Variants in XPO6 observed in about 807,000 individuals in gnomAD.
XPO6 encodes exportin 6, also known as exportin-6.
Under a neutral mutation model 130.0 loss-of-function variants are expected in XPO6, and 3 were observed. That is an observed-to-expected ratio of 0.02 (90% CI 0.01 to 0.06). The LOEUF is 0.06. Among genes scored for constraint, XPO6 ranks in the 10% least tolerant of loss-of-function variants. XPO6 has a pLI of 1.00. For synonymous variants in XPO6, 524 were observed against 548.9 expected (o/e 0.95, Z 0.63); for missense variants, 970 against 1,393.0 (o/e 0.70, Z 4.83).
At chr16:28,146,687 A>G (rs1030776489) in intron 8 of XPO6, among the ~76,000 whole-genome samples, 2 of 152,214 alleles carry the variant, frequency 1.3e-5, no homozygotes, top group African/African-American at 4.8e-5. Flanking sequence ...ACACATTTGA[A>G]TGTAAGGAAA....
intron 1 of XPO6, among the ~76,000 whole-genome samples, chr16:28,201,214 G>C (rs1596974183): frequency 6.6e-6 from 1 of 152,074 alleles, no homozygotes; most frequent in Non-Finnish European, 1.5e-5. Context: ...TGAGCTTGCT[G>C]GTTGCATGGA....
chr16:28,109,610 C>T (rs142508674), intron 17 of XPO6, among the ~76,000 whole-genome samples: 1 of 152,250 alleles, frequency 6.6e-6, no homozygotes, highest in Non-Finnish European at 1.5e-5. Flanking sequence ...GACTAGGAGA[C>T]ATATGACAAG....
At chr16:28,168,217 G>A (rs1163249245) in intron 5 of XPO6, among the ~76,000 whole-genome samples, 1 of 152,158 alleles carries the variant, frequency 6.6e-6, no homozygotes, top group Non-Finnish European at 1.5e-5. Context: ...AGGCACAGTG[G>A]CTCATGCCTG....
At chr16:28,114,893 A>T (rs2087016739) in intron 15 of XPO6, among the ~76,000 whole-genome samples, 1 of 152,178 alleles carries the variant, frequency 6.6e-6, no homozygotes, top group Non-Finnish European at 1.5e-5. Flanking sequence ...TTATTTCAAC[A>T]ATGTTCACAG....
intron 8 of XPO6, 76 bp from the exon 9 acceptor site, chr16:28,146,279 T>TTC: frequency 9.2e-7 from 1 of 1,088,732 alleles, no homozygotes; most frequent in Non-Finnish European, 1.4e-6. Context: ...ATGCCAGTGT[T>TTC]TAATTCCAGC....
intron 8 of XPO6, among the ~76,000 whole-genome samples, chr16:28,146,927 G>A (rs2042993387): frequency 6.6e-6 from 1 of 152,092 alleles, no homozygotes; most frequent in South Asian, 2.1e-4. Flanking sequence ...TCTATTTCAT[G>A]CAAAGTCCAG....
intron 9 of XPO6, among the ~76,000 whole-genome samples, chr16:28,137,724 A>G (rs1435246067): frequency 6.6e-6 from 1 of 152,000 alleles, no homozygotes; most frequent in Non-Finnish European, 1.5e-5. Flanking sequence ...CATAATTTCA[A>G]CTTTTATGTT....
At chr16:28,144,772 C>G (rs188019469) in intron 9 of XPO6, among the ~76,000 whole-genome samples, 3 of 152,152 alleles carry the variant, frequency 2.0e-5, no homozygotes, top group Non-Finnish European at 2.9e-5. Context: ...TATGTTAGTT[C>G]GTTATTTCAA....
rs143819230 is a variant in XPO6 at position 28,128,433 on chromosome 16, C to G, written c.1607-2585G>C. ...CTTCATTTCGCACCTCCACCTCCCC[C>G]CAGGCTCTACCCTGACCACCAGTTT... is the stretch of plus-strand genomic sequence containing the variant. On this transcript the variant is annotated intron_variant, in intron 12 of 23. Transcript: ENST00000304658. Among the ~76,000 whole-genome samples, 230 of 152,306 alleles carry G rather than the reference C, an allele frequency of 1.5e-3. 1 individual carries two copies. The highest frequency in any genetic ancestry group is 4.6e-3 in the Admixed American group (71 of 15,302).
intron 4 of XPO6, among the ~76,000 whole-genome samples, chr16:28,172,396 G>A (rs955428988): frequency 1.1e-4 from 16 of 152,044 alleles, no homozygotes; most frequent in Admixed American, 3.3e-4. Context: ...TTTATTACAC[G>A]ACCCAACAGA....
At chr16:28,150,239 C>T (rs779106340) in intron 8 of XPO6, among the ~76,000 whole-genome samples, 3 of 152,168 alleles carry the variant, frequency 2.0e-5, no homozygotes, top group Non-Finnish European at 4.4e-5. Context: ...ATACAGGAGA[C>T]AGGAGAGCAG....
chr16:28,191,798 C>A (rs181995654), intron 1 of XPO6, among the ~76,000 whole-genome samples: 2 of 152,160 alleles, frequency 1.3e-5, no homozygotes, highest in Admixed American at 6.6e-5. Context: ...ATGAAACTGA[C>A]GAACCACTAT....
chr16:28,139,210 C>G (rs1204545800), intron 9 of XPO6, among the ~76,000 whole-genome samples: 1 of 152,210 alleles, frequency 6.6e-6, no homozygotes, highest in African/African-American at 2.4e-5. Flanking sequence ...CACAAGGGTT[C>G]TCTCCCTCCC....
chr16:28,143,719 C>T (rs1468227761), intron 9 of XPO6, among the ~76,000 whole-genome samples: 1 of 152,130 alleles, frequency 6.6e-6, no homozygotes, highest in African/African-American at 2.4e-5. Context: ...TCACTGCAAC[C>T]TCTGCCACCC....
At chr16:28,153,633 A>G (rs2043133730) in intron 7 of XPO6, 1 of 985,314 alleles carries the variant, frequency 1.0e-6, no homozygotes, top group African/African-American at 1.7e-5. Flanking sequence ...CACATTTCAG[A>G]AACTGTCATT....
At chr16:28,103,159 C>G (rs559884654) in intron 21 of XPO6, among the ~76,000 whole-genome samples, 4 of 152,288 alleles carry the variant, frequency 2.6e-5, no homozygotes, top group African/African-American at 9.6e-5. Context: ...CACACCCTCA[C>G]CCCTAAGGCA....
intron 1 of XPO6, among the ~76,000 whole-genome samples, chr16:28,186,960 T>C (rs1199450850): frequency 1.3e-5 from 2 of 152,206 alleles, no homozygotes; most frequent in African/African-American, 4.8e-5. Flanking sequence ...TGGGATACAA[T>C]GATGAGTAAG....
rs184478776 is a variant in XPO6 at position 28,153,034 on chromosome 16, G to A, written c.1098-249C>T. 17 of 1,108,520 alleles carry A rather than the reference G, an allele frequency of 1.5e-5. 1 individual carries two copies. The highest frequency in any genetic ancestry group is 8.1e-5 in the South Asian group (3 of 37,194). The allele number at this position is 1,108,520 out of a possible 1,614,324, so 68.7% of individuals were successfully genotyped here. On this transcript the variant is annotated intron_variant, in intron 7 of 23. Transcript: ENST00000304658. Reference sequence around the variant, plus strand: ...GCTAAGGCTTCTTATAATCTAGTGCGCTCACATTTTCTAAGTCATTTGTGT... The same window carrying A: ...GCTAAGGCTTCTTATAATCTAGTGCACTCACATTTTCTAAGTCATTTGTGT...
intron 21 of XPO6, among the ~76,000 whole-genome samples, chr16:28,103,854 G>C (rs967846482): frequency 2.0e-5 from 3 of 152,176 alleles, no homozygotes; most frequent in East Asian, 1.9e-4. Flanking sequence ...CTGGAGGGAG[G>C]GTGGAAATCC....
Sources: allele counts gnomAD v4.1 joint callset (sites outside exome capture counted in the v4.1 genomes callset), GRCh38; gene constraint gnomAD v4.1.1; transcripts MANE v1.5; gene names NCBI Gene and HGNC (gene_info 2026-07-23, HGNC 2026-07-21).